Variants in BCL2 observed in about 807,000 individuals in gnomAD.
BCL2 encodes the protein BCL2 apoptosis regulator.
BCL2 carries 1 observed loss-of-function variant against 14.2 expected under a neutral mutation model. The ratio of observed to expected loss-of-function variants is 0.07; its 90% CI spans 0.02 to 0.33. The LOEUF (loss-of-function observed/expected upper bound fraction) is 0.33, where lower values mean the gene tolerates loss of function less well. BCL2 is among the 10% of genes least tolerant of loss of function. The pLI is 0.99. For missense variants in BCL2, 247 were observed against 305.9 expected (o/e 0.81, Z 1.44); for synonymous variants, 151 against 137.2 (o/e 1.10, Z -0.70).
Position 63,254,619 on chromosome 18 carries a change from T to G in BCL2, c.585+63463A>C, listed in dbSNP as rs145751783. ...CTTCTCATCATTGGGGTCACAATTA[T>G]CAATACCAGTTTTTTATAGCCCAAC... On this transcript the variant is annotated intron_variant, in intron 2 of 2. Transcript: ENST00000333681. 4.8e-3 allele frequency among the ~76,000 whole-genome samples: 735 copies of G among 152,222 alleles called. 5 individuals are homozygous for G. The highest frequency in any genetic ancestry group is 0.013 in the Admixed American group (201 of 15,272).
rs114339758 is a variant in BCL2 at position 63,239,778 on chromosome 18, T to C, written c.585+78304A>G. On this transcript the variant is annotated intron_variant, in intron 2 of 2. Transcript: ENST00000333681. ...AATCAGAACTCTTTATCAGGTCACA[T>C]TAATCCCAACTGGGAGGATTTGGGT... Among the ~76,000 whole-genome samples, 373 of 152,060 alleles carry C rather than the reference T, an allele frequency of 2.5e-3. 2 individuals are homozygous for C. The highest frequency in any genetic ancestry group is 8.5e-3 in the African/African-American group (353 of 41,482).
intron 2 of BCL2, among the ~76,000 whole-genome samples, chr18:63,262,043 G>A (rs1911674988): frequency 1.3e-5 from 2 of 152,082 alleles, no homozygotes; most frequent in Admixed American, 1.3e-4. Context: ...GCCTCCCAAA[G>A]TGCTGGGATT....
At chr18:63,199,188 G>T (rs904152045) in intron 2 of BCL2, among the ~76,000 whole-genome samples, 8 of 139,002 alleles carry the variant, frequency 5.8e-5, no homozygotes, top group Non-Finnish European at 7.7e-5. Flanking sequence ...CACATACACA[G>T]ACACGCACAA....
rs192986460 is a variant in BCL2, at chr18:63,247,637, G to T, written c.585+70445C>A. Among the ~76,000 whole-genome samples, 9 of 152,302 alleles carry T rather than the reference G, an allele frequency of 5.9e-5. No individual in the cohort carries two copies. In the East Asian group the frequency reaches 1.5e-3, roughly 26 times the overall value. ...GTAGGCAGAGCACTAGGGAGAAGGA[G>T]TTCCCTGTTGCGGCTGGTGGAGAGC... On this transcript the variant is annotated intron_variant, in intron 2 of 2. Coordinates refer to ENST00000333681, the MANE Select transcript of BCL2 (RefSeq NM_000633.3).
chr18:63,288,295 C>G (rs1912531958), intron 2 of BCL2, among the ~76,000 whole-genome samples: 1 of 152,182 alleles, frequency 6.6e-6, no homozygotes, highest in Non-Finnish European at 1.5e-5. Context: ...ATGACACTGA[C>G]CCAGCAAAGA....
chr18:63,301,868 G>A (rs1912969639), intron 2 of BCL2, among the ~76,000 whole-genome samples: 1 of 152,172 alleles, frequency 6.6e-6, no homozygotes, highest in Non-Finnish European at 1.5e-5. Context: ...ATGTAAAGCT[G>A]TTAAAAGAAC....
intron 2 of BCL2, among the ~76,000 whole-genome samples, chr18:63,170,616 C>T (rs1302384063): frequency 6.6e-6 from 1 of 152,138 alleles, no homozygotes; most frequent in East Asian, 1.9e-4. Context: ...AAATTGGGTC[C>T]CACTTTGGAG....
chr18:63,289,898 G>T (rs1912598152), intron 2 of BCL2, among the ~76,000 whole-genome samples: 1 of 152,116 alleles, frequency 6.6e-6, no homozygotes, highest in East Asian at 1.9e-4. Context: ...ACCTCAAGAA[G>T]AAAAACAATC....
intron 2 of BCL2, chr18:63,151,269 C>T (rs540308238): frequency 6.6e-6 from 1 of 152,172 alleles, no homozygotes. Context: ...TACCCTGCAA[C>T]TGACTAACAT....
intron 2 of BCL2, among the ~76,000 whole-genome samples, chr18:63,228,855 T>C (rs1456461307): frequency 6.6e-6 from 1 of 152,216 alleles, no homozygotes; most frequent in Non-Finnish European, 1.5e-5. Context: ...ACTACAGGCA[T>C]GTGCCACCAG....
At chr18:63,310,354 G>T (rs1913273050) in intron 2 of BCL2, among the ~76,000 whole-genome samples, 1 of 152,072 alleles carries the variant, frequency 6.6e-6, no homozygotes, top group African/African-American at 2.4e-5. Context: ...CACACCTCCC[G>T]CATTCATGCC....
At chr18:63,148,629 T>G (rs1914571910) in intron 2 of BCL2, among the ~76,000 whole-genome samples, 1 of 151,976 alleles carries the variant, frequency 6.6e-6, no homozygotes, top group African/African-American at 2.4e-5. Flanking sequence ...CGAATTTCCC[T>G]GGCCTCTGGC....
chr18:63,198,285 TAGACACAGAGACACACAC>T (rs1909510506), intron 2 of BCL2, among the ~76,000 whole-genome samples: 1 of 81,512 alleles, frequency 1.2e-5, no homozygotes, highest in Non-Finnish European at 2.6e-5. Context: ...GAGACACACA[TAGACACAGAGACACACAC>T]AGACACACAC....
At chr18:63,182,276 G>A (rs1220505991) in intron 2 of BCL2, among the ~76,000 whole-genome samples, 1 of 152,192 alleles carries the variant, frequency 6.6e-6, no homozygotes, top group Non-Finnish European at 1.5e-5. Context: ...AGAGCTGTCA[G>A]CCACAGCCTG....
intron 2 of BCL2, among the ~76,000 whole-genome samples, chr18:63,202,313 A>G (rs529119645): frequency 6.6e-6 from 1 of 152,290 alleles, no homozygotes; most frequent in South Asian, 2.1e-4. Flanking sequence ...AGTCTCAAAA[A>G]AAATAAAATA....
At chr18:63,220,313 T>A (rs1910354050) in intron 2 of BCL2, among the ~76,000 whole-genome samples, 2 of 152,312 alleles carry the variant, frequency 1.3e-5, no homozygotes, top group South Asian at 4.1e-4. Context: ...TTTATACCTG[T>A]TGTCCCTGCA....
chr18:63,213,543 CATAA>C (rs141875130), intron 2 of BCL2, among the ~76,000 whole-genome samples: 4,890 of 101,724 alleles, frequency 0.048, 90 homozygotes, highest in Non-Finnish European at 0.056. Context: ...CACACACACA[CATAA>C]ACACACACAC....
intron 2 of BCL2, among the ~76,000 whole-genome samples, chr18:63,292,511 C>A (rs568450353): frequency 2.0e-5 from 3 of 152,302 alleles, no homozygotes; most frequent in Non-Finnish European, 4.4e-5. Flanking sequence ...ACGTACCATG[C>A]TAGCTGGGAT....
At chr18:63,237,189 A>G (rs947459465) in intron 2 of BCL2, among the ~76,000 whole-genome samples, 1 of 152,106 alleles carries the variant, frequency 6.6e-6, no homozygotes, top group Non-Finnish European at 1.5e-5. Context: ...GGAGGCCGAG[A>G]GAGGCCCATT....
Sources: gnomAD v4.1 joint callset for allele counts (sites outside exome capture counted in the v4.1 genomes callset) on GRCh38, gnomAD v4.1.1 for gene constraint, MANE v1.5 for transcripts, NCBI Gene and HGNC (gene_info 2026-07-23, HGNC 2026-07-21) for gene names.